Variants in RARB observed in about 807,000 individuals in gnomAD.
RARB encodes the protein HBV-activated protein.
A neutral mutation model predicts 51.9 loss-of-function variants in RARB; 17 were observed. That is an observed-to-expected ratio of 0.33 (90% CI 0.22 to 0.49). The LOEUF (loss-of-function observed/expected upper bound fraction) is 0.49. Ranked by LOEUF, RARB falls within the 20% of genes least tolerant of loss-of-function variation. The probability of loss-of-function intolerance (pLI) is 0.99; values close to 1 mark genes in which losing one functional copy is unlikely to be tolerated. For synonymous variants in RARB, 215 were observed against 195.4 expected, an observed-to-expected ratio of 1.10 and a Z score of -0.84; for missense variants, 369 against 550.8, an observed-to-expected ratio of 0.67 and a Z score of 3.30.
At chr3:25,121,207 G>T (rs1229551203) in intron 3 of RARB, among the ~76,000 whole-genome samples, 2 of 152,072 alleles carry the variant, frequency 1.3e-5, no homozygotes, top group Non-Finnish European at 2.9e-5. Context: ...GAGTTCCCCA[G>T]GTGGAAAAGG....
intron 2 of RARB, among the ~76,000 whole-genome samples, chr3:24,890,504 G>C (rs1428220708): frequency 6.6e-6 from 1 of 152,084 alleles, no homozygotes; most frequent in Non-Finnish European, 1.5e-5. Context: ...ATCCTAACAA[G>C]TTGAGAGGCC....
At chr3:25,148,217 G>T (rs1700225251) in intron 4 of RARB, among the ~76,000 whole-genome samples, 1 of 151,944 alleles carries the variant, frequency 6.6e-6, no homozygotes, top group South Asian at 2.1e-4. Flanking sequence ...TTCTGAATGA[G>T]CCAATCAGGG....
At chr3:24,978,133 T>C (rs1433389821) in intron 2 of RARB, among the ~76,000 whole-genome samples, 2 of 152,222 alleles carry the variant, frequency 1.3e-5, no homozygotes, top group Non-Finnish European at 2.9e-5. Flanking sequence ...CTTTTTGATG[T>C]GCTGCTGGAT....
intron 2 of RARB, among the ~76,000 whole-genome samples, chr3:25,018,381 C>G (rs139413314): frequency 1.3e-5 from 2 of 152,088 alleles, no homozygotes; most frequent in Non-Finnish European, 2.9e-5. Flanking sequence ...CAGTTGTTGA[C>G]CTGGTTATCA....
chr3:25,069,853 G>A (rs1329587200), intron 3 of RARB, among the ~76,000 whole-genome samples: 1 of 152,186 alleles, frequency 6.6e-6, no homozygotes, highest in Non-Finnish European at 1.5e-5. Flanking sequence ...CCTCCATTAG[G>A]GGAGCCCATC....
At chr3:24,830,680 T>C (rs1702268291) in intron 1 of RARB, among the ~76,000 whole-genome samples, 1 of 151,656 alleles carries the variant, frequency 6.6e-6, no homozygotes, top group African/African-American at 2.4e-5. Flanking sequence ...TGTGTGTGTG[T>C]GTGTCTGTCC....
Position 24,912,975 on chromosome 3 carries a change from C to CTTTTTTTTTTTTTTTTTTT in RARB, c.-380+54227_-380+54245dup, listed in dbSNP as rs386396163. 8.8e-4 allele frequency among the ~76,000 whole-genome samples: 66 copies of CTTTTTTTTTTTTTTTTTTT among 75,044 alleles called. 10 individuals carry two copies. Among genetic ancestry groups the CTTTTTTTTTTTTTTTTTTT allele is most frequent in the Non-Finnish European group, 1.3e-3 (50 of 38,982 alleles). The allele number at this position is 75,044 out of a possible 152,430, so 49.2% of individuals were successfully genotyped here. ...GCAATACGCACACAAGGTACTGATT[C>CTTTTTTTTTTTTTTTTTTT]TTTTTTTTTTTTTTTTTTTTTTGGA... is the stretch of plus-strand genomic sequence containing the variant. On this transcript the variant is annotated intron_variant, in intron 2 of 11. Coordinates refer to the RARB transcript ENST00000383772.
chr3:24,877,288 T>A (rs147721308), intron 2 of RARB, among the ~76,000 whole-genome samples: 35 of 150,576 alleles, frequency 2.3e-4, no homozygotes, highest in African/African-American at 8.3e-4. Context: ...TTCTTATATA[T>A]TTGCATATCT....
chr3:25,355,526 A>G (rs1705707032), intron 5 of RARB, among the ~76,000 whole-genome samples: 1 of 151,730 alleles, frequency 6.6e-6, no homozygotes, highest in Admixed American at 6.6e-5. Context: ...TTTATTTGTC[A>G]CTTCTCCAGC....
chr3:25,101,815 A>C (rs978841802), intron 3 of RARB, among the ~76,000 whole-genome samples: 3 of 151,930 alleles, frequency 2.0e-5, no homozygotes, highest in African/African-American at 4.8e-5. Flanking sequence ...AGAGTGTATG[A>C]GGATCCCTGC....
At chr3:25,017,481 C>A (rs1254682817) in intron 2 of RARB, among the ~76,000 whole-genome samples, 1 of 152,086 alleles carries the variant, frequency 6.6e-6, no homozygotes, top group Admixed American at 6.6e-5. Context: ...CAGGTTTCCC[C>A]TGGAGCATTG....
intron 2 of RARB, among the ~76,000 whole-genome samples, chr3:25,487,909 T>G (rs1382767512): frequency 1.3e-5 from 2 of 152,236 alleles, no homozygotes; most frequent in African/African-American, 4.8e-5. Context: ...AAATAGGAAT[T>G]AATACATGAA....
intron 5 of RARB, among the ~76,000 whole-genome samples, chr3:25,376,136 C>T (rs1706453073): frequency 6.6e-6 from 1 of 152,112 alleles, no homozygotes; most frequent in Non-Finnish European, 1.5e-5. Context: ...ATTAAGAAAA[C>T]CTCAAAGTTG....
At chr3:25,477,822 C>T (rs1472294458) in intron 2 of RARB, among the ~76,000 whole-genome samples, 1 of 152,154 alleles carries the variant, frequency 6.6e-6, no homozygotes, top group African/African-American at 2.4e-5. Context: ...GATTGTGGGT[C>T]ATGAATTTAT....
chr3:25,012,242 T>C (rs1315727542), intron 2 of RARB, among the ~76,000 whole-genome samples: 1 of 152,112 alleles, frequency 6.6e-6, no homozygotes, highest in Non-Finnish European at 1.5e-5. Context: ...ATATTAATGT[T>C]CTAAAATATT....
intron 2 of RARB, among the ~76,000 whole-genome samples, chr3:24,964,527 T>A (rs1696212373): frequency 6.6e-6 from 1 of 152,192 alleles, no homozygotes; most frequent in African/African-American, 2.4e-5. Context: ...CAGAAAACTT[T>A]AGATCCTGAA....
chr3:25,018,770 A>T (rs1371179798), intron 2 of RARB, among the ~76,000 whole-genome samples: 3 of 152,206 alleles, frequency 2.0e-5, no homozygotes, highest in African/African-American at 7.2e-5. Flanking sequence ...GCTCATAGGT[A>T]AAATTGTATC....
chr3:24,952,783 C>T (rs763991967), intron 2 of RARB, among the ~76,000 whole-genome samples: 1 of 152,098 alleles, frequency 6.6e-6, no homozygotes, highest in African/African-American at 2.4e-5. Flanking sequence ...AAACATCAAA[C>T]CCAATCCTCA....
intron 2 of RARB, among the ~76,000 whole-genome samples, chr3:24,918,417 G>A (rs1447664704): frequency 1.3e-5 from 2 of 152,184 alleles, no homozygotes; most frequent in Admixed American, 1.3e-4. Context: ...GGAATTAACT[G>A]CAAAAGAGAA....
Sources: gnomAD v4.1 joint callset for allele counts (sites outside exome capture counted in the v4.1 genomes callset) on GRCh38, gnomAD v4.1.1 for gene constraint, MANE v1.5 for transcripts, NCBI Gene and HGNC (gene_info 2026-07-23, HGNC 2026-07-21) for gene names.